INTS4: variants seen among roughly 807,000 people sequenced by gnomAD.
INTS4 encodes MSTP093.
INTS4 carries 70 observed loss-of-function variants against 119.5 expected under a neutral mutation model. That is an observed-to-expected ratio of 0.59 (90% confidence interval 0.48 to 0.71). The LOEUF (loss-of-function observed/expected upper bound fraction) is 0.71, where lower values mean the gene tolerates loss of function less well. Among genes scored for constraint, INTS4 ranks in the 30% least tolerant of loss-of-function variants. INTS4 has a pLI of 0.00. For synonymous variants in INTS4, 316 were observed against 419.6 expected (o/e 0.75, Z 3.02); for missense variants, 867 against 1,173.2 (o/e 0.74, Z 3.81).
chr11:77,943,904 G>A (rs1317009633), intron 8 of INTS4, among the ~76,000 whole-genome samples: 2 of 152,100 alleles, frequency 1.3e-5, no homozygotes, highest in Non-Finnish European at 2.9e-5. Flanking sequence ...CACTAACTAG[G>A]AATATCTGCA....
At chr11:77,921,847 A>G (rs1953369110) in intron 13 of INTS4, among the ~76,000 whole-genome samples, 1 of 152,202 alleles carries the variant, frequency 6.6e-6, no homozygotes, top group Admixed American at 6.5e-5. Context: ...CCTGGGCAAC[A>G]AGGTAAAACC....
At chr11:77,948,525 G>A (rs1456361901) in intron 8 of INTS4, among the ~76,000 whole-genome samples, 1 of 151,848 alleles carries the variant, frequency 6.6e-6, no homozygotes, top group Non-Finnish European at 1.5e-5. Flanking sequence ...GCACATGCCT[G>A]TAATCCCGGT....
chr11:77,902,496 C>T (rs1431300759), intron 17 of INTS4, among the ~76,000 whole-genome samples: 1 of 152,148 alleles, frequency 6.6e-6, no homozygotes, highest in African/African-American at 2.4e-5. Flanking sequence ...AAAACAGATT[C>T]TGGGTATCAG....
intron 3 of INTS4, among the ~76,000 whole-genome samples, chr11:77,981,100 G>A (rs544575611): frequency 6.6e-6 from 1 of 150,412 alleles, no homozygotes; most frequent in Non-Finnish European, 1.5e-5. Context: ...TATAGCAAGG[G>A]TCATTAACAT....
chr11:77,905,626 T>C (rs1227273669), intron 16 of INTS4, among the ~76,000 whole-genome samples: 1 of 152,224 alleles, frequency 6.6e-6, no homozygotes, highest in Non-Finnish European at 1.5e-5. Flanking sequence ...GATATCCTTT[T>C]CGTACATCTG....
Position 77,936,152 on chromosome 11 carries a change from C to T in INTS4, c.1165+2499G>A, listed in dbSNP as rs1953785547. Among the ~76,000 whole-genome samples the T allele has an allele frequency of 2.0e-5, 3 of 150,444 alleles. No individual in the cohort carries two copies. The South Asian group carries it at 6.3e-4, about 32-fold the overall frequency. On this transcript the variant is annotated intron_variant, in intron 10 of 22. Coordinates refer to ENST00000534064, the MANE Select transcript of INTS4 (RefSeq NM_033547.4). ...TTAAAAATTATCAGACATGAAAAGA[C>T]AAAGGATGGAATATATACAGGATGG...
chr11:77,962,238 A>G (rs1377904057), intron 4 of INTS4, among the ~76,000 whole-genome samples: 1 of 152,170 alleles, frequency 6.6e-6, no homozygotes, highest in African/African-American at 2.4e-5. Flanking sequence ...AGCCATGATC[A>G]TGCCACTGCA....
intron 11 of INTS4, 115 bp downstream of exon 11, chr11:77,928,227 A>C (rs1158906880): frequency 6.5e-6 from 7 of 1,083,758 alleles, no homozygotes; most frequent in Non-Finnish European, 9.4e-6. Context: ...TATGGTGAGA[A>C]AACAGAACTG....
intron 9 of INTS4, among the ~76,000 whole-genome samples, chr11:77,940,760 C>A (rs1953912009): frequency 6.6e-6 from 1 of 152,068 alleles, no homozygotes; most frequent in Non-Finnish European, 1.5e-5. Context: ...CCTCAGTCAC[C>A]CAAGTAGCTA....
chr11:77,897,628 GTAGCTGGGAT>G (rs1277002626), intron 18 of INTS4, among the ~76,000 whole-genome samples: 1 of 149,512 alleles, frequency 6.7e-6, no homozygotes, highest in Non-Finnish European at 1.5e-5. Flanking sequence ...AGCCTCCCGA[GTAGCTGGGAT>G]TACAGGCACC....
intron 8 of INTS4, among the ~76,000 whole-genome samples, chr11:77,947,442 A>G (rs1049463477): frequency 1.1e-4 from 16 of 152,226 alleles, no homozygotes; most frequent in African/African-American, 3.6e-4. Context: ...CTATCAACAG[A>G]TTTCTCAGCA....
intron 21 of INTS4, chr11:77,885,036 T>G (rs1951944020): frequency 6.1e-6 from 1 of 162,864 alleles, no homozygotes; most frequent in African/African-American, 2.4e-5. Flanking sequence ...TTGGAATTAC[T>G]GGCATGAGCA....
intron 2 of INTS4, among the ~76,000 whole-genome samples, chr11:77,981,922 T>C (rs896647600): frequency 1.3e-4 from 20 of 152,146 alleles, no homozygotes; most frequent in South Asian, 4.2e-4. Context: ...TTCTATGCCA[T>C]TCTGATGTCA....
At chr11:77,954,388 G>A (rs1219839147) in intron 8 of INTS4, among the ~76,000 whole-genome samples, 1 of 152,016 alleles carries the variant, frequency 6.6e-6, no homozygotes, top group Non-Finnish European at 1.5e-5. Context: ...GGGCTCAAAT[G>A]ACCTGCCCAC....
intron 16 of INTS4, among the ~76,000 whole-genome samples, chr11:77,907,507 A>G (rs570765023): frequency 1.7e-4 from 26 of 152,334 alleles, no homozygotes; most frequent in African/African-American, 5.8e-4. Context: ...TATTATGATA[A>G]AAGAATTCTC....
At chr11:77,942,706 G>C (rs1343329300) in intron 8 of INTS4, among the ~76,000 whole-genome samples, 1 of 152,090 alleles carries the variant, frequency 6.6e-6, no homozygotes, top group African/African-American at 2.4e-5. Flanking sequence ...CAAAATGAAA[G>C]CAAAAAGACT....
Position 77,991,248 on chromosome 11 carries a change from A to G in INTS4, c.106T>C (p.Ser36Pro). 6.2e-7 allele frequency: 1 copy of G among 1,613,944 alleles called. No homozygotes were observed. Among genetic ancestry groups the G allele is most frequent in the South Asian group, 1.1e-5 (1 of 91,048 alleles). Residue 36 changes from serine to proline, a missense_variant, in exon 2 of 23, where the codon TCT (serine) becomes CCT (proline). Transcript: ENST00000534064. ...CACAGATCTATGTGGAGTGCTGCAGATTTACTTGGTTTTGTTAGTCGGAGT... is the reference window on the plus strand; with the variant it reads ...CACAGATCTATGTGGAGTGCTGCAGGTTTACTTGGTTTTGTTAGTCGGAGT... ...KKLRLTKPSK[S>P]AALHIDLCKA... is the part of the protein sequence containing the mutation.
At chr11:77,887,272 G>A (rs938743823) in intron 21 of INTS4, among the ~76,000 whole-genome samples, 4 of 152,132 alleles carry the variant, frequency 2.6e-5, no homozygotes, top group Admixed American at 1.3e-4. Context: ...TTCAACATAC[G>A]AAAATCAATA....
intron 6 of INTS4, among the ~76,000 whole-genome samples, chr11:77,959,616 A>G (rs986796720): frequency 2.0e-5 from 3 of 152,086 alleles, no homozygotes; most frequent in Non-Finnish European, 4.4e-5. Context: ...TTTCTTATAG[A>G]AAAAGAAGGC....
Sources: allele counts gnomAD v4.1 joint callset (sites outside exome capture counted in the v4.1 genomes callset), GRCh38; gene constraint gnomAD v4.1.1; transcripts MANE v1.5; gene names NCBI Gene and HGNC (gene_info 2026-07-23, HGNC 2026-07-21).